CSMD3: variants seen among roughly 807,000 people sequenced by gnomAD.
The protein encoded by CSMD3 is CUB and sushi domain-containing protein 3.
Under a neutral mutation model 435.2 loss-of-function variants are expected in CSMD3, and 177 were observed. That is an observed-to-expected ratio of 0.41 (90% confidence interval 0.36 to 0.46). The LOEUF (loss-of-function observed/expected upper bound fraction) is 0.46, where lower values mean the gene tolerates loss of function less well. Among genes scored for constraint, CSMD3 ranks in the 20% least tolerant of loss-of-function variants. The pLI, the probability that CSMD3 is intolerant of heterozygous loss-of-function variation, is 0.34. For missense variants in CSMD3, 4,265 were observed against 4,504.6 expected (o/e 0.95, Z 1.52); for synonymous variants, 1,656 against 1,520.5 (o/e 1.09, Z -2.07).
At chr8:112,314,806 T>C (rs940922701) in intron 47 of CSMD3, among the ~76,000 whole-genome samples, 189 bp from the exon 48 acceptor site, 5 of 152,052 alleles carry the variant, frequency 3.3e-5, no homozygotes, top group Non-Finnish European at 7.4e-5. Flanking sequence ...TAAAAATTTA[T>C]AGTATTGATT....
At chr8:112,294,432 G>A (rs555902063) in intron 54 of CSMD3, among the ~76,000 whole-genome samples, 6 of 151,994 alleles carry the variant, frequency 3.9e-5, no homozygotes, top group Admixed American at 6.6e-5. Flanking sequence ...ATAAATGTCC[G>A]TTATCTGGAG....
intron 12 of CSMD3, among the ~76,000 whole-genome samples, chr8:112,817,997 AAAAG>A (rs1336903498): frequency 2.6e-5 from 4 of 152,074 alleles, no homozygotes; most frequent in African/African-American, 9.6e-5. Flanking sequence ...ACTTCATAAA[AAAAG>A]AAATTTTATA....
chr8:113,138,028 C>A (rs2091458436), intron 4 of CSMD3, among the ~76,000 whole-genome samples: 1 of 151,524 alleles, frequency 6.6e-6, no homozygotes, highest in Admixed American at 6.6e-5. Flanking sequence ...TTGCAATGTT[C>A]TGCCCTATCA....
At chr8:112,860,884 T>C (rs1425377815) in intron 10 of CSMD3, among the ~76,000 whole-genome samples, 1 of 110,378 alleles carries the variant, frequency 9.1e-6, no homozygotes, top group South Asian at 3.3e-4. Flanking sequence ...TTTCTCTGAA[T>C]AGTTAAACTA....
At chr8:113,133,053 G>A (rs1253646367) in intron 4 of CSMD3, among the ~76,000 whole-genome samples, 2 of 151,890 alleles carry the variant, frequency 1.3e-5, no homozygotes, top group Non-Finnish European at 2.9e-5. Flanking sequence ...AGCAACAAAA[G>A]CAAAAATAGA....
intron 2 of CSMD3, among the ~76,000 whole-genome samples, chr8:113,282,582 T>C (rs1018641464): frequency 1.3e-5 from 2 of 151,872 alleles, no homozygotes; most frequent in African/African-American, 2.4e-5. Flanking sequence ...AAAGAAATCA[T>C]AGATGACATG....
chr8:112,620,112 T>C (rs1042357150), intron 22 of CSMD3, among the ~76,000 whole-genome samples: 1 of 152,050 alleles, frequency 6.6e-6, no homozygotes, highest in South Asian at 2.1e-4. Flanking sequence ...AAATCCAGAA[T>C]GTGGAATATT....
chr8:112,765,185 T>A (rs2077946389), intron 13 of CSMD3, among the ~76,000 whole-genome samples: 1 of 151,542 alleles, frequency 6.6e-6, no homozygotes, highest in Non-Finnish European at 1.5e-5. Context: ...CAGATTTTAT[T>A]GTGAGCAATG....
chr8:112,920,914 T>TAC (rs1254128874), intron 10 of CSMD3, among the ~76,000 whole-genome samples: 1,987 of 142,150 alleles, frequency 0.014, 59 homozygotes, highest in African/African-American at 0.04. Context: ...TATATATATA[T>TAC]ATATACACAC....
intron 1 of CSMD3, among the ~76,000 whole-genome samples, chr8:113,354,404 C>T (rs756617216): frequency 2.0e-5 from 3 of 151,906 alleles, no homozygotes; most frequent in African/African-American, 4.8e-5. Flanking sequence ...AAAGGAAGAA[C>T]GTTTGAGGTA....
At chr8:112,532,716 A>T (rs544234336) in intron 27 of CSMD3, among the ~76,000 whole-genome samples, 1 of 152,256 alleles carries the variant, frequency 6.6e-6, no homozygotes, top group South Asian at 2.1e-4. Context: ...CCATCTGAAA[A>T]AAAAAGGATG....
At chr8:113,269,682 C>T (rs555878018) in intron 3 of CSMD3, among the ~76,000 whole-genome samples, 2 of 146,340 alleles carry the variant, frequency 1.4e-5, no homozygotes, top group Admixed American at 6.6e-5. Context: ...TGATCTTTGA[C>T]AAACCTGACA....
intron 13 of CSMD3, among the ~76,000 whole-genome samples, chr8:112,736,707 GT>G (rs1370628138): frequency 2.0e-5 from 3 of 151,980 alleles, no homozygotes; most frequent in African/African-American, 7.2e-5. Context: ...CTGCTGGGCT[GT>G]GAGATAGAAA....
At chr8:112,692,233 T>A (rs1003907764) in intron 13 of CSMD3, among the ~76,000 whole-genome samples, 2 of 152,110 alleles carry the variant, frequency 1.3e-5, no homozygotes, top group Non-Finnish European at 2.9e-5. Flanking sequence ...AGAACTTTTT[T>A]AGTATATTTT....
intron 13 of CSMD3, among the ~76,000 whole-genome samples, chr8:112,692,432 C>G (rs2076157711): frequency 6.6e-6 from 1 of 151,978 alleles, no homozygotes; most frequent in African/African-American, 2.4e-5. Context: ...AATGTTGTTT[C>G]TTTGGTATTC....
intron 12 of CSMD3, among the ~76,000 whole-genome samples, chr8:112,805,158 G>C (rs1037229751): frequency 1.3e-5 from 2 of 152,092 alleles, no homozygotes; most frequent in Non-Finnish European, 2.9e-5. Flanking sequence ...ATTGCAGGGA[G>C]ACCTGCTGGG....
intron 25 of CSMD3, among the ~76,000 whole-genome samples, chr8:112,554,656 G>T (rs957922133): frequency 3.3e-5 from 5 of 151,628 alleles, no homozygotes; most frequent in East Asian, 1.9e-4. Context: ...TGGCATTTTT[G>T]ACCTCAAATG....
chr8:112,303,747 A>T (rs2130770256), intron 52 of CSMD3, among the ~76,000 whole-genome samples: 1 of 152,300 alleles, frequency 6.6e-6, no homozygotes, highest in East Asian at 1.9e-4. Context: ...CAAATCAGTG[A>T]ATATTCATAA....
At chr8:113,153,040 A>C in intron 4 of CSMD3, among the ~76,000 whole-genome samples, 1 of 150,132 alleles carries the variant, frequency 6.7e-6, no homozygotes, top group Admixed American at 6.7e-5. Context: ...AAAGAAAGAA[A>C]AAAGAAAAGA....
Sources: gnomAD v4.1 joint callset for allele counts (sites outside exome capture counted in the v4.1 genomes callset) on GRCh38, gnomAD v4.1.1 for gene constraint, MANE v1.5 for transcripts, NCBI Gene and HGNC (gene_info 2026-07-23, HGNC 2026-07-21) for gene names.